PAK4: variants seen among roughly 807,000 people sequenced by gnomAD.
PAK4 encodes p21 (RAC1) activated kinase 4.
PAK4 carries 49 observed loss-of-function variants against 53.5 expected under a neutral mutation model. The observed-to-expected ratio is 0.92, with a 90% CI of 0.73 to 1.16. PAK4 has a LOEUF of 1.16. PAK4 is among the 50% of genes most tolerant of loss of function. The pLI is 0.00. For synonymous variants in PAK4, 376 were observed against 375.6 expected (o/e 1.00, Z -0.01); for missense variants, 824 against 850.7 (o/e 0.97, Z 0.39).
intron 1 of PAK4, among the ~76,000 whole-genome samples, chr19:39,142,944 C>G (rs1443442814): frequency 6.6e-6 from 1 of 152,148 alleles, no homozygotes; most frequent in African/African-American, 2.4e-5. Flanking sequence ...TCTCTGCTCC[C>G]TTCCAGCCAC....
Position 39,173,282 on chromosome 19 carries a change from C to T in PAK4, c.569C>T (p.Pro190Leu). The T allele has an allele frequency of 6.2e-7, 1 of 1,605,282 alleles. No individual in the cohort carries two copies. Among genetic ancestry groups the T allele is most frequent in the Non-Finnish European group, 8.5e-7 (1 of 1,176,742 alleles). Residue 190 changes from proline to leucine, a missense_variant, in exon 3 of 9, where the codon CCT (proline) becomes CTT (leucine). Coordinates refer to ENST00000358301, the Ensembl canonical transcript of PAK4. This position sits in a 1 kb window ranked among gnomAD's most constrained non-coding sequence, Gnocchi z 6.9. Reference sequence around the variant, plus strand: ...GGGCCTGATGTCGGCACCCCCCAGCCTGCTGGTCTGGCCAGTGGGGCGAAA... The same window carrying T: ...GGGCCTGATGTCGGCACCCCCCAGCTTGCTGGTCTGGCCAGTGGGGCGAAA...
intron 2 of PAK4, among the ~76,000 whole-genome samples, chr19:39,170,852 C>A (rs900784302): frequency 2.0e-5 from 3 of 152,240 alleles, no homozygotes; most frequent in African/African-American, 7.2e-5. Context: ...CTTCCAAAGC[C>A]GTTTCTGGCA....
intron 1 of PAK4, among the ~76,000 whole-genome samples, chr19:39,131,177 T>C (rs2073703392): frequency 6.6e-6 from 1 of 152,156 alleles, no homozygotes; most frequent in African/African-American, 2.4e-5. Flanking sequence ...GGCTTCAGTG[T>C]CACTGATTAC....
chr19:39,128,725 C>T (rs1347669591), intron 1 of PAK4, among the ~76,000 whole-genome samples: 1 of 152,224 alleles, frequency 6.6e-6, no homozygotes, highest in Non-Finnish European at 1.5e-5. Context: ...ACCCCCCCTC[C>T]TCCCTCCCTT....
chr19:39,157,222 G>C (rs1347449881), intron 1 of PAK4, among the ~76,000 whole-genome samples: 1 of 151,972 alleles, frequency 6.6e-6, no homozygotes, highest in Non-Finnish European at 1.5e-5. Context: ...TTGGGGTCGG[G>C]GGGGTGCCTC....
intron 1 of PAK4, among the ~76,000 whole-genome samples, chr19:39,144,125 C>T (rs57860260): frequency 0.39 from 41,617 of 105,438 alleles, 6,354 homozygotes; most frequent in East Asian, 0.54. Context: ...GATAGACAGA[C>T]AGACAGACAG....
In PAK4 at chr19:39,175,466, G is replaced by T; in HGVS notation, c.1359+28G>T. The T allele has an allele frequency of 6.3e-7, 1 of 1,587,424 alleles. No homozygotes were observed. The highest frequency in any genetic ancestry group is 1.1e-5 in the South Asian group (1 of 87,522). On this transcript the variant is annotated intron_variant, in intron 6 of 8. Transcript: ENST00000358301. The surrounding 1 kb of genome is among the most constrained non-coding windows in gnomAD (Gnocchi z 4.7). ...GAGGGGACGGGCGGCGGGGTACGGG[G>T]GCGGCAGGTTTCCGGCTGCGGGGCT...
intron 1 of PAK4, among the ~76,000 whole-genome samples, chr19:39,135,899 GC>G (rs372342841): frequency 6.8e-6 from 1 of 147,732 alleles, no homozygotes; most frequent in Non-Finnish European, 1.5e-5. Context: ...CTCCTCTCTT[GC>G]CCCCCCGCCA....
rs564688891 is a variant in PAK4, at chr19:39,164,829, C to T, written c.-22-4703C>T. 7.5e-4 allele frequency among the ~76,000 whole-genome samples: 114 copies of T among 152,214 alleles called. 1 individual carries two copies. In the South Asian group the frequency reaches 7.9e-3, roughly 11 times the overall value. On this transcript the variant is annotated intron_variant, in intron 1 of 8. Coordinates refer to ENST00000358301, the Ensembl canonical transcript of PAK4. ...ACTCCACCGTGGTTGAGGGCGCCTG[C>T]GAGCTCAGCGTCAGCGTCTGCTCTG...
At position 39,174,475 on chromosome 19, in the gene PAK4, G is replaced by A. The variant is rs563772469; in HGVS notation, c.1099-456G>A. Among the ~76,000 whole-genome samples the A allele has an allele frequency of 2.7e-4, 41 of 150,596 alleles. No individual in the cohort carries two copies. The South Asian group carries it at 6.3e-3, about 23-fold the overall frequency. The stretch of plus-strand genomic sequence containing the variant: ...TCCTTAGAGACCCTGGCAGTGCCCC[G>A]TAGCACCCTGACGATAGGAAGCCCA... On this transcript the variant is annotated intron_variant, in intron 4 of 8. Transcript: ENST00000358301.
chr19:39,129,457 G>A (rs180948905), intron 1 of PAK4, among the ~76,000 whole-genome samples: 42 of 151,792 alleles, frequency 2.8e-4, no homozygotes, highest in African/African-American at 8.9e-4. Context: ...TGGAAAAGCC[G>A]GAGCTCCCCG....
At chr19:39,136,840 A>G (rs1469945851) in intron 1 of PAK4, among the ~76,000 whole-genome samples, 1 of 152,214 alleles carries the variant, frequency 6.6e-6, no homozygotes, top group African/African-American at 2.4e-5. Context: ...GGTGGGGCAC[A>G]CCGGGAAGGT....
chr19:39,152,969 G>A (rs976641773), intron 1 of PAK4, among the ~76,000 whole-genome samples: 7 of 152,292 alleles, frequency 4.6e-5, no homozygotes, highest in South Asian at 4.1e-4. Context: ...ACTGAGGGAC[G>A]TGAGCATCCC....
chr19:39,174,158 G>A (rs1412720646), intron 4 of PAK4, 148 bp downstream of exon 5: 8 of 619,282 alleles, frequency 1.3e-5, no homozygotes, highest in South Asian at 1.9e-5. Flanking sequence ...AGGCCGTCTC[G>A]TCCGCCCCAG....
At chr19:39,127,973 G>C (rs477489) in intron 1 of PAK4, among the ~76,000 whole-genome samples, 121,576 of 151,886 alleles carry the variant, frequency 0.8, 48,891 homozygotes, top group Non-Finnish European at 0.84. Flanking sequence ...AGGGCAAGAC[G>C]CTGAGGGGAC....
At chr19:39,131,499 A>G (rs1418693884) in intron 1 of PAK4, among the ~76,000 whole-genome samples, 1 of 151,978 alleles carries the variant, frequency 6.6e-6, no homozygotes, top group African/African-American at 2.4e-5. Context: ...ACCTCCTTCC[A>G]AGTCATGGCC....
Position 39,175,604 on chromosome 19 carries a change from C to G in PAK4, c.1359+166C>G. ...TGGTGGAGCAGCCCAGAGTCAGGTT[C>G]CAGCTCAGTGGGGACTCTGTGCAGT... On this transcript the variant is annotated intron_variant, in intron 6 of 8. Transcript: ENST00000358301. The surrounding 1 kb of genome is among the most constrained non-coding windows in gnomAD (Gnocchi z 4.7). Among the ~76,000 whole-genome samples the G allele has an allele frequency of 1.3e-5, 2 of 152,292 alleles. 1 individual carries two copies. The highest frequency in any genetic ancestry group is 3.9e-4 in the East Asian group (2 of 5,176).
intron 1 of PAK4, among the ~76,000 whole-genome samples, chr19:39,146,569 G>T (rs1039429120): frequency 6.6e-6 from 1 of 152,226 alleles, no homozygotes; most frequent in African/African-American, 2.4e-5. Context: ...CAGGCGCAGT[G>T]GCTCACGCCT....
intron 1 of PAK4, among the ~76,000 whole-genome samples, chr19:39,154,845 C>T (rs1252353657): frequency 6.7e-6 from 1 of 148,650 alleles, no homozygotes; most frequent in African/African-American, 2.5e-5. Flanking sequence ...TCTGGGACTT[C>T]TGGATCTAGG....
Sources: allele counts gnomAD v4.1 joint callset (sites outside exome capture counted in the v4.1 genomes callset), GRCh38; gene constraint gnomAD v4.1.1; non-coding constraint Gnocchi (gnomAD v3.1); transcripts MANE v1.5; gene names NCBI Gene and HGNC (gene_info 2026-07-23, HGNC 2026-07-21).